Variants in ATG7 observed in about 807,000 individuals in gnomAD.
ATG7 encodes autophagy related 7, also known as ubiquitin-like modifier-activating enzyme ATG7.
Under a neutral mutation model 82.4 loss-of-function variants are expected in ATG7, and 70 were observed. The ratio of observed to expected loss-of-function variants is 0.85; its 90% confidence interval spans 0.70 to 1.04. The LOEUF (loss-of-function observed/expected upper bound fraction) is 1.04. ATG7 is among the 50% of genes least tolerant of loss of function. ATG7 has a pLI of 0.00. For missense variants in ATG7, 792 were observed against 864.3 expected, an observed-to-expected ratio of 0.92 and a Z score of 1.05; for synonymous variants, 287 against 313.0, an observed-to-expected ratio of 0.92 and a Z score of 0.88.
At chr3:11,410,097 C>T (rs1015428427) in intron 19 of ATG7, among the ~76,000 whole-genome samples, 1 of 152,170 alleles carries the variant, frequency 6.6e-6, no homozygotes, top group Admixed American at 6.5e-5. Flanking sequence ...TTTATATCTA[C>T]ACAATACATT....
rs371326693 is a variant in ATG7 at position 11,483,720 on chromosome 3, A to T, written c.2079+56794A>T. On this transcript the variant is annotated intron_variant, in intron 20 of 20. Transcript: ENST00000693202. Reference sequence around the variant, plus strand: ...ATTATTATATTGACACTGGAGCCAAATAGGAAATCGGAGGACTCACAGATG... The same window carrying T: ...ATTATTATATTGACACTGGAGCCAATTAGGAAATCGGAGGACTCACAGATG... Among the ~76,000 whole-genome samples, 32 of 152,358 alleles carry T rather than the reference A, an allele frequency of 2.1e-4. No homozygotes were observed. In the South Asian group the frequency reaches 6.2e-3, roughly 30 times the overall value.
chr3:11,492,015 G>A (rs1284324795), intron 20 of ATG7, among the ~76,000 whole-genome samples: 1 of 152,194 alleles, frequency 6.6e-6, no homozygotes, highest in Non-Finnish European at 1.5e-5. Flanking sequence ...CGGCTGCTTT[G>A]TTTACCTAAG....
intron 20 of ATG7, among the ~76,000 whole-genome samples, chr3:11,477,677 AG>A (rs1285434958): frequency 6.6e-6 from 1 of 152,186 alleles, no homozygotes; most frequent in Non-Finnish European, 1.5e-5. Context: ...AACCTGAACA[AG>A]GGGGAATTTT....
At chr3:11,354,611 T>A (rs1014557386) in intron 14 of ATG7, among the ~76,000 whole-genome samples, 2 of 128,626 alleles carry the variant, frequency 1.6e-5, no homozygotes, top group African/African-American at 6.1e-5. Flanking sequence ...ATCACGCCAC[T>A]GCACTCCAGT....
rs1402718592 is a variant in ATG7, at chr3:11,555,940, A to C, written c.*1097A>C. On this transcript the variant is annotated 3_prime_UTR_variant, in exon 21 of 21. Transcript: ENST00000693202. ...TTCAAATGAGGCTTCGCTTCTCCCAAAGTAGCCAGTCCAAGTTCCAGTGGC... is the reference window on the plus strand; with the variant it reads ...TTCAAATGAGGCTTCGCTTCTCCCACAGTAGCCAGTCCAAGTTCCAGTGGC... The C allele has an allele frequency of 6.6e-6, 1 of 152,538 alleles. No homozygotes were observed. The highest frequency in any genetic ancestry group is 1.5e-5 in the Non-Finnish European group (1 of 68,022). 9.4% of individuals were successfully genotyped at this position (152,538 alleles called of 1,614,324 possible).
intron 20 of ATG7, among the ~76,000 whole-genome samples, chr3:11,483,983 C>G (rs1419130717): frequency 1.3e-5 from 2 of 152,138 alleles, no homozygotes; most frequent in African/African-American, 4.8e-5. Flanking sequence ...TTATAGCACT[C>G]TTTGATATAG....
intron 20 of ATG7, among the ~76,000 whole-genome samples, chr3:11,471,640 G>T (rs1046974425): frequency 1.4e-5 from 2 of 145,660 alleles, no homozygotes; most frequent in African/African-American, 5.1e-5. Context: ...TGGTCAAATG[G>T]TATAAGAAAT....
intron 18 of ATG7, among the ~76,000 whole-genome samples, chr3:11,373,850 A>G (rs1038988686): frequency 3.9e-5 from 6 of 152,238 alleles, no homozygotes; most frequent in Non-Finnish European, 1.5e-5. Flanking sequence ...AGTGCAATGC[A>G]GAGCATATGA....
intron 1 of ATG7, among the ~76,000 whole-genome samples, chr3:11,276,382 C>A (rs1456165499): frequency 1.3e-5 from 2 of 152,284 alleles, no homozygotes; most frequent in East Asian, 1.9e-4. Flanking sequence ...TGTTCATTTT[C>A]TTTTCTGTTT....
chr3:11,441,668 TA>T (rs1559631605), intron 20 of ATG7, among the ~76,000 whole-genome samples: 8 of 79,678 alleles, frequency 1.0e-4, no homozygotes, highest in East Asian at 9.3e-4. Flanking sequence ...TTTTTTTTTT[TA>T]ATTTTTTTTT....
chr3:11,360,212 A>G (rs2076201081), intron 15 of ATG7, among the ~76,000 whole-genome samples: 1 of 152,082 alleles, frequency 6.6e-6, no homozygotes. Context: ...TGCTCGGCTA[A>G]TTTTTTGTAT....
At chr3:11,287,450 G>A (rs1022989973) in intron 3 of ATG7, among the ~76,000 whole-genome samples, 4 of 152,190 alleles carry the variant, frequency 2.6e-5, no homozygotes, top group African/African-American at 9.6e-5. Flanking sequence ...CCTGAGAGCG[G>A]CTGCTAAGGA....
chr3:11,560,462 G>T (rs1171365474), downstream of ATG7, among the ~76,000 whole-genome samples: 2 of 152,212 alleles, frequency 1.3e-5, no homozygotes, highest in South Asian at 4.1e-4. Context: ...CAGCCAGAGG[G>T]ACGCTGGGCC....
Position 11,555,820 on chromosome 3 carries a change from C to CTAT in ATG7, c.*979_*981dup, listed in dbSNP as rs1192237117. ...CGTGTAGAGGGCATCGTCTTTCCTG[C>CTAT]TATTTTATTCTTTCAGCTTTTGTCT... On this transcript the variant is annotated 3_prime_UTR_variant, in exon 21 of 21. Transcript: ENST00000693202. 13 of 152,328 alleles carry CTAT rather than the reference C, an allele frequency of 8.5e-5. No individual in the cohort carries two copies. The highest frequency in any genetic ancestry group is 2.4e-4 in the African/African-American group (10 of 41,520). The allele number at this position is 152,328 out of a possible 1,614,324, so 9.4% of individuals were successfully genotyped here.
chr3:11,446,740 C>A lies in ATG7; in HGVS notation c.2079+19814C>A. On this transcript the variant is annotated intron_variant, in intron 20 of 20. Transcript: ENST00000693202. ...TCAACCTCTAAATCCAGTCAAGGGGCTACTTGGGCCTGGAACCAAGGCACA... is the reference window on the plus strand; with the variant it reads ...TCAACCTCTAAATCCAGTCAAGGGGATACTTGGGCCTGGAACCAAGGCACA... The A allele has an allele frequency of 2.6e-5, 6 of 226,612 alleles. No individual in the cohort carries two copies. In the South Asian group the frequency reaches 2.8e-4, roughly 11 times the overall value. 14.0% of individuals were successfully genotyped at this position (226,612 alleles called of 1,614,324 possible).
At chr3:11,513,621 T>A (rs899181253) in intron 20 of ATG7, among the ~76,000 whole-genome samples, 2 of 152,188 alleles carry the variant, frequency 1.3e-5, no homozygotes, top group Admixed American at 6.5e-5. Context: ...TGCTCCCGCC[T>A]CTCCCTCCAC....
At chr3:11,336,574 A>T (rs1559419981) in intron 11 of ATG7, among the ~76,000 whole-genome samples, 2 of 152,228 alleles carry the variant, frequency 1.3e-5, no homozygotes, top group South Asian at 4.1e-4. Flanking sequence ...CATAATGTAA[A>T]CTGAAAATAT....
chr3:11,492,878 T>TG (rs1177947108), intron 20 of ATG7, among the ~76,000 whole-genome samples: 17 of 152,288 alleles, frequency 1.1e-4, no homozygotes, highest in South Asian at 1.0e-3. Context: ...AGTGTCCAGG[T>TG]GGGGGTGCCT....
intron 11 of ATG7, among the ~76,000 whole-genome samples, chr3:11,337,075 G>C (rs1000849551): frequency 6.6e-6 from 1 of 152,126 alleles, no homozygotes; most frequent in East Asian, 1.9e-4. Flanking sequence ...ACACTGCTGC[G>C]GGTAGAGATC....
Sources: allele counts gnomAD v4.1 joint callset (sites outside exome capture counted in the v4.1 genomes callset), GRCh38; gene constraint gnomAD v4.1.1; transcripts MANE v1.5; gene names NCBI Gene and HGNC (gene_info 2026-07-23, HGNC 2026-07-21).